Variants in TM9SF2 observed in about 807,000 individuals in gnomAD.
TM9SF2 encodes the protein transmembrane 9 superfamily member 2.
Under a neutral mutation model 84.9 loss-of-function variants are expected in TM9SF2, and 13 were observed. The ratio of observed to expected loss-of-function variants is 0.15; its 90% CI spans 0.10 to 0.24. The LOEUF (loss-of-function observed/expected upper bound fraction) is 0.24. Among genes scored for constraint, TM9SF2 ranks in the 10% least tolerant of loss-of-function variants. The pLI is 1.00. For synonymous variants in TM9SF2, 273 were observed against 285.8 expected (o/e 0.96, Z 0.45); for missense variants, 562 against 818.5 (o/e 0.69, Z 3.82).
At chr13:99,555,414 CTT>C (rs2046321388) in intron 14 of TM9SF2, 120 bp from the exon 15 acceptor site, 1 of 699,030 alleles carries the variant, frequency 1.4e-6, no homozygotes, top group South Asian at 1.9e-5. Flanking sequence ...GATAATTCGT[CTT>C]GTTTGGTTAG....
At chr13:99,501,803 G>C in intron 1 of TM9SF2, 26 bp downstream of exon 1, 1 of 1,594,844 alleles carries the variant, frequency 6.3e-7, no homozygotes, top group Middle Eastern at 1.7e-4. Flanking sequence ...CGAGCCCTCT[G>C]ATGCACTGTT....
chr13:99,557,503 A>G (rs1476270441), intron 15 of TM9SF2, among the ~76,000 whole-genome samples: 3 of 152,150 alleles, frequency 2.0e-5, no homozygotes, highest in African/African-American at 7.2e-5. Flanking sequence ...CCTTTGCACA[A>G]AAGTTTTAAA....
chr13:99,556,789 T>C (rs1013579840), intron 15 of TM9SF2, among the ~76,000 whole-genome samples: 1 of 152,120 alleles, frequency 6.6e-6, no homozygotes, highest in Non-Finnish European at 1.5e-5. Context: ...GGTTTCACCA[T>C]GTTAGCCAGG....
intron 1 of TM9SF2, among the ~76,000 whole-genome samples, chr13:99,504,869 TG>T (rs1199325632): frequency 6.6e-6 from 1 of 152,222 alleles, no homozygotes; most frequent in African/African-American, 2.4e-5. Flanking sequence ...CTGTACAATC[TG>T]TGGTTTGCCT....
intron 3 of TM9SF2, among the ~76,000 whole-genome samples, chr13:99,524,932 GAGAA>G (rs146730863): frequency 0.023 from 3,535 of 151,918 alleles, 131 homozygotes; most frequent in African/African-American, 0.079. Flanking sequence ...AGCCACTGAT[GAGAA>G]AGAAGGGTAA....
At position 99,520,337 on chromosome 13, in the gene TM9SF2, G is replaced by A. The variant is rs754316656; in HGVS notation, c.333+208G>A. On this transcript the variant is annotated intron_variant, in intron 3 of 16. Transcript: ENST00000376387. The stretch of plus-strand genomic sequence containing the variant: ...TAAGTCTGTCTTAATGAACATTCAC[G>A]CAACTAATGTTAGGAATGTTAAGAC... Among the ~76,000 whole-genome samples, 6 of 152,156 alleles carry A rather than the reference G, an allele frequency of 3.9e-5. No individual in the cohort carries two copies. The South Asian group carries it at 1.2e-3, about 32-fold the overall frequency.
intron 1 of TM9SF2, among the ~76,000 whole-genome samples, chr13:99,516,802 C>G (rs981507357): frequency 1.3e-5 from 2 of 152,122 alleles, no homozygotes; most frequent in Non-Finnish European, 2.9e-5. Flanking sequence ...CATTGGCTAT[C>G]CCTGTGTGTT....
chr13:99,527,865 ATT>A (rs1476902971), intron 3 of TM9SF2, among the ~76,000 whole-genome samples: 1 of 152,184 alleles, frequency 6.6e-6, no homozygotes, highest in Non-Finnish European at 1.5e-5. Flanking sequence ...TACTGCGCCC[ATT>A]TTACACATAA....
Position 99,520,137 on chromosome 13 carries a change from T to G in TM9SF2, c.333+8T>G, listed in dbSNP as rs1566564928. 6.3e-7 allele frequency: 1 copy of G among 1,598,730 alleles called. No homozygotes were observed. Among genetic ancestry groups the G allele is most frequent in the Non-Finnish European group, 8.5e-7 (1 of 1,172,860 alleles). ...GAACCTTCACCATATAAGGTTTGTA[T>G]TTAGTGTTACATAATAATTATTTAC... On this transcript the variant is annotated splice_region_variant and intron_variant, in intron 3 of 16. Transcript: ENST00000376387.
chr13:99,541,756 C>T, intron 9 of TM9SF2, 89 bp downstream of exon 9: 1 of 816,240 alleles, frequency 1.2e-6, no homozygotes. Flanking sequence ...TTAGAATCTG[C>T]TTTTAAAACA....
chr13:99,546,498 T>C (rs2046283174), intron 10 of TM9SF2, among the ~76,000 whole-genome samples: 1 of 152,166 alleles, frequency 6.6e-6, no homozygotes, highest in Non-Finnish European at 1.5e-5. Flanking sequence ...GTATGAAATC[T>C]TTCTCCCTCA....
At chr13:99,554,679 T>C (rs1175699544) in intron 14 of TM9SF2, among the ~76,000 whole-genome samples, 1 of 152,248 alleles carries the variant, frequency 6.6e-6, no homozygotes, top group East Asian at 1.9e-4. Context: ...TAATTCTTAC[T>C]CTTCCTTAAT....
Position 99,562,026 on chromosome 13 carries a change from T to TG in TM9SF2, c.1925-663dup, listed in dbSNP as rs577252347. Among the ~76,000 whole-genome samples, 9 of 152,356 alleles carry TG rather than the reference T, an allele frequency of 5.9e-5. No individual in the cohort carries two copies. In the South Asian group the frequency reaches 1.9e-3, roughly 32 times the overall value. On this transcript the variant is annotated intron_variant, in intron 16 of 16. Transcript: ENST00000376387. ...CTCATTTACTCTACATAATAGTCTA[T>TG]GGAGGCAATGAGGACAGATAAATTT...
intron 2 of TM9SF2, among the ~76,000 whole-genome samples, chr13:99,519,340 A>G (rs2046149113): frequency 6.6e-6 from 1 of 151,716 alleles, no homozygotes; most frequent in South Asian, 2.1e-4. Flanking sequence ...CTCTTTAGGA[A>G]TCTCACTAAT....
At chr13:99,545,883 T>G (rs1390675881) in intron 10 of TM9SF2, among the ~76,000 whole-genome samples, 1 of 152,154 alleles carries the variant, frequency 6.6e-6, no homozygotes, top group Non-Finnish European at 1.5e-5. Context: ...CTTTCAAATC[T>G]TATTAGGAGC....
At chr13:99,511,060 C>T (rs1258416175) in intron 1 of TM9SF2, among the ~76,000 whole-genome samples, 1 of 152,070 alleles carries the variant, frequency 6.6e-6, no homozygotes, top group Non-Finnish European at 1.5e-5. Context: ...CTTTTCCACC[C>T]TAAATTTTAC....
intron 11 of TM9SF2, 122 bp downstream of exon 11, chr13:99,547,226 T>C: frequency 2.2e-6 from 3 of 1,362,382 alleles, no homozygotes; most frequent in Non-Finnish European, 2.9e-6. Context: ...GGTCTGTTCT[T>C]AGTTAAAAGG....
chr13:99,507,080 G>A (rs868467380), intron 1 of TM9SF2, among the ~76,000 whole-genome samples: 2 of 152,178 alleles, frequency 1.3e-5, no homozygotes, highest in Non-Finnish European at 2.9e-5. Context: ...TGTGTGTGTT[G>A]TATATGCCTT....
intron 9 of TM9SF2, among the ~76,000 whole-genome samples, chr13:99,542,305 T>C (rs556814540): frequency 3.3e-5 from 5 of 152,352 alleles, no homozygotes; most frequent in African/African-American, 1.2e-4. Flanking sequence ...TACCTGTTTG[T>C]GAAACCACAA....
Sources: gnomAD v4.1 joint callset for allele counts (sites outside exome capture counted in the v4.1 genomes callset) on GRCh38, gnomAD v4.1.1 for gene constraint, MANE v1.5 for transcripts, NCBI Gene and HGNC (gene_info 2026-07-23, HGNC 2026-07-21) for gene names.